The following ZFYVE26 variants were observed in gnomAD, a reference collection of about 807,000 sequenced individuals.
The protein encoded by ZFYVE26 is zinc finger FYVE domain-containing protein 26.
ZFYVE26 carries 181 observed loss-of-function variants against 276.5 expected under a neutral mutation model. The observed-to-expected ratio is 0.65, with a 90% confidence interval of 0.58 to 0.74. The LOEUF is 0.74. Among genes scored for constraint, ZFYVE26 ranks in the 30% least tolerant of loss-of-function variants. The pLI is 0.00. For missense variants in ZFYVE26, 2,821 were observed against 3,097.9 expected (o/e 0.91, Z 2.12); for synonymous variants, 1,129 against 1,203.1 (o/e 0.94, Z 1.27).
chr14:67,793,532 G>A, intron 14 of ZFYVE26, 76 bp downstream of exon 14: 1 of 1,541,226 alleles, frequency 6.5e-7, no homozygotes. Context: ...CTCCCAGGTG[G>A]CTCTGGTTGT....
rs762188129 is a variant in ZFYVE26 at position 67,814,059 on chromosome 14, C to T, written c.200G>A (p.Gly67Glu). ...LVVCPNLLRC[G>E]QDINPQRVAW... ...TACTCTTTGAGGGTTGATGTCCTGC[C>T]CACATCTGAAAAAGGTAAAAAGAAA... Residue 67 changes from glycine (G) to glutamate (E), a missense_variant, in exon 3 of 42, where the codon GGG (glycine) becomes GAG (glutamate). Physicochemically the swap from Gly to Glu is moderately conservative, Grantham distance 98. Transcript: ENST00000347230. 1.2e-6 allele frequency: 2 copies of T among 1,613,144 alleles called. No homozygotes were observed. Among genetic ancestry groups the T allele is most frequent in the East Asian group, 4.5e-5 (2 of 44,876 alleles).
intron 4 of ZFYVE26, 75 bp from the exon 5 acceptor site, chr14:67,807,995 C>T: frequency 6.5e-7 from 1 of 1,547,728 alleles, no homozygotes. Context: ...TTCATGCTTT[C>T]CTCTTTTTCA....
At chr14:67,784,780 G>A (rs970172124) in intron 19 of ZFYVE26, among the ~76,000 whole-genome samples, 4 of 149,946 alleles carry the variant, frequency 2.7e-5, no homozygotes, top group Admixed American at 2.6e-4. Flanking sequence ...TGATTCCTCT[G>A]CTGGGTGCTC....
intron 27 of ZFYVE26, among the ~76,000 whole-genome samples, chr14:67,774,358 G>C (rs1419544727): frequency 6.6e-6 from 1 of 152,220 alleles, no homozygotes; most frequent in African/African-American, 2.4e-5. Context: ...AATTAGCTGG[G>C]TGTGGTGGCA....
chr14:67,734,835 T>G (rs924713160), intron 13 of ZFYVE26, among the ~76,000 whole-genome samples: 2 of 152,206 alleles, frequency 1.3e-5, no homozygotes, highest in Admixed American at 6.5e-5. Context: ...ATCTCCTTCC[T>G]TCCTGAAGGA....
chr14:67,756,458 A>G (rs1478895236), intron 35 of ZFYVE26: 4 of 424,294 alleles, frequency 9.4e-6, no homozygotes, highest in African/African-American at 2.0e-5. Flanking sequence ...ACTGCCCCTT[A>G]GGTCACCAGT....
intron 13 of ZFYVE26, among the ~76,000 whole-genome samples, chr14:67,736,414 C>T (rs2038352838): frequency 1.3e-5 from 2 of 152,156 alleles, no homozygotes; most frequent in African/African-American, 4.8e-5. Flanking sequence ...AAAACATAGA[C>T]AATGTCATAA....
In ZFYVE26 at chr14:67,815,957, G is replaced by T. The variant is rs774369218; in HGVS notation, c.7C>A (p.His3Asn). 1 of 1,610,698 alleles carries T rather than the reference G, an allele frequency of 6.2e-7. No homozygotes were observed. ...GCAGCTTCCTCTTTTCCAAATGGAT[G>T]ATTCATTTTCCCAGCACAGAGTGCA... MN[H>N]PFGKEEAASQ... The change falls in exon 2 of 42, where the codon CAT becomes AAT. Residue 3 changes from histidine (H) to asparagine (N), a missense_variant. By Grantham distance (68) the His-to-Asn change is moderately conservative. Coordinates refer to ENST00000347230, the MANE Select transcript of ZFYVE26 (RefSeq NM_015346.4).
At chr14:67,777,521 C>T in intron 25 of ZFYVE26, 38 bp downstream of exon 25, 1 of 1,595,852 alleles carries the variant, frequency 6.3e-7, no homozygotes, top group Non-Finnish European at 8.5e-7. Context: ...TACCTTGGAT[C>T]CCACATACAG....
chr14:67,793,888 T>A, intron 13 of ZFYVE26, 129 bp from the exon 14 acceptor site: 1 of 1,311,240 alleles, frequency 7.6e-7, no homozygotes. Flanking sequence ...AAATAGGTCT[T>A]AATTTTTCCT....
chr14:67,733,738 C>T lies in ZFYVE26; in HGVS notation n.2680-3919G>A. On this transcript the variant is annotated intron_variant and non_coding_transcript_variant, in intron 13 of 14. Coordinates refer to the ZFYVE26 transcript ENST00000394455. ...TCCTGGAATTTACTGTCTTTCTCTG[C>T]CCTCCAGTGACTGCAAGAGGACCTG... 1 of 1,593,688 alleles carries T rather than the reference C, an allele frequency of 6.3e-7. No individual in the cohort carries two copies. Among genetic ancestry groups the T allele is most frequent in the Non-Finnish European group, 8.6e-7 (1 of 1,161,882 alleles).
chr14:67,745,929 CAAAAAAAAAAAAAAAAAAA>C (rs61448179), downstream of ZFYVE26, among the ~76,000 whole-genome samples: 5 of 57,504 alleles, frequency 8.7e-5, no homozygotes, highest in Admixed American at 1.0e-3. Context: ...GACCCTGTCT[CAAAAAAAAAAAAAAAAAAA>C]AAAAAAAAAA....
chr14:67,775,951 A>T lies in ZFYVE26; in HGVS notation c.5130T>A (p.Ile1710=), dbSNP rs1333069870. The T allele has an allele frequency of 1.2e-6, 2 of 1,614,228 alleles. No individual in the cohort carries two copies. The highest frequency in any genetic ancestry group is 1.7e-6 in the Non-Finnish European group (2 of 1,180,032). The change falls in exon 26 of 42, where the codon ATT becomes ATA. Residue 1710 remains isoleucine (I), a synonymous_variant. Transcript: ENST00000347230. ...TLQQLLVGQE[I]GFTMDEVDSL... ...AGTCCACCTCGTCCATAGTGAAGCC[A>T]ATCTCCTGTCCAACCAGCAGCTGCT...
At chr14:67,773,571 A>C (rs553388404) in intron 27 of ZFYVE26, among the ~76,000 whole-genome samples, 3 of 146,698 alleles carry the variant, frequency 2.0e-5, no homozygotes, top group African/African-American at 7.5e-5. Flanking sequence ...ACACACACAC[A>C]CCCCAAAGCT....
rs750576685 is a variant in ZFYVE26, at chr14:67,789,604, C to T, written c.2756-6G>A. 6.2e-6 allele frequency: 10 copies of T among 1,613,900 alleles called. No homozygotes were observed. Among genetic ancestry groups the T allele is most frequent in the East Asian group, 4.5e-5 (2 of 44,900 alleles). ...GATAGAGTAAAACACCATTCCTGGC[C>T]GCCCAGCAGAGGAATAAAAAGCAAA... On this transcript the variant is annotated splice_polypyrimidine_tract_variant and splice_region_variant and intron_variant, in intron 15 of 41. Coordinates refer to ENST00000347230, the MANE Select transcript of ZFYVE26 (RefSeq NM_015346.4).
chr14:67,797,523 CTA>C (rs1360438693), intron 12 of ZFYVE26, 147 bp downstream of exon 12: 1 of 853,296 alleles, frequency 1.2e-6, no homozygotes, highest in Non-Finnish European at 1.9e-6. Context: ...ACATAGGAAA[CTA>C]TTAACAAGGG....
chr14:67,793,109 A>C (rs560666607), intron 14 of ZFYVE26, among the ~76,000 whole-genome samples: 2 of 151,248 alleles, frequency 1.3e-5, no homozygotes, highest in Non-Finnish European at 2.9e-5. Context: ...AAAATACAAA[A>C]ATTAGCCTGG....
chr14:67,792,059 C>CAA (rs35352929), intron 14 of ZFYVE26, among the ~76,000 whole-genome samples: 6 of 63,812 alleles, frequency 9.4e-5, no homozygotes, highest in Admixed American at 1.8e-4. Flanking sequence ...GACTCTGCTT[C>CAA]AAAAAAAAAA....
Position 67,774,887 on chromosome 14 carries a change from G to A in ZFYVE26, c.5320+129C>T, listed in dbSNP as rs536783148. The A allele has an allele frequency of 1.7e-5, 11 of 664,480 alleles. No homozygotes were observed. In the Admixed American group the frequency reaches 2.6e-4, roughly 16 times the overall value. 41.2% of individuals were successfully genotyped at this position (664,480 alleles called of 1,614,324 possible). A position where few individuals can be genotyped will look rare whatever the true frequency, so the allele number is the denominator to read the frequency against. Reference sequence around the variant, plus strand: ...TATATATAAATCTGGAATGAACCAAGATAAACAATTAATAATGTTGTAACT... The same window carrying A: ...TATATATAAATCTGGAATGAACCAAAATAAACAATTAATAATGTTGTAACT... On this transcript the variant is annotated intron_variant, in intron 27 of 41. Coordinates refer to ENST00000347230, the MANE Select transcript of ZFYVE26 (RefSeq NM_015346.4).
Sources: gnomAD v4.1 joint callset for allele counts (sites outside exome capture counted in the v4.1 genomes callset) on GRCh38, gnomAD v4.1.1 for gene constraint, MANE v1.5 for transcripts, NCBI Gene and HGNC (gene_info 2026-07-23, HGNC 2026-07-21) for gene names.